The following ARL6 variants were observed in gnomAD, a reference collection of about 807,000 sequenced individuals.
ARL6 encodes the protein ARF like GTPase 6, also known as ADP-ribosylation factor-like protein 6.
In ARL6, 18 loss-of-function variants were observed where a neutral mutation model predicts 27.1. That is an observed-to-expected ratio of 0.66 (90% CI 0.46 to 0.98). ARL6 has a LOEUF of 0.98. ARL6 is among the 50% of genes least tolerant of loss of function. The pLI is 0.00. For synonymous variants in ARL6, 65 were observed against 72.3 expected (o/e 0.90, Z 0.51); for missense variants, 187 against 214.9 (o/e 0.87, Z 0.81).
At chr3:97,780,424 GT>G (rs1227008227) in intron 3 of ARL6, among the ~76,000 whole-genome samples, 190 bp from the exon 4 acceptor site, 1 of 151,952 alleles carries the variant, frequency 6.6e-6, no homozygotes, top group Non-Finnish European at 1.5e-5. Flanking sequence ...TAGCAAAGAA[GT>G]TTTTTATGTT....
rs2038174535 is a variant in ARL6 at position 97,799,919 on chromosome 3, A to G, written c.*1870A>G. On this transcript the variant is annotated 3_prime_UTR_variant, in exon 8 of 8. Transcript: ENST00000463745. ...CCAGAATAACAATTAAAATGATAGA[A>G]AAGGCTCTTACTTGGGACAGCAACC... 1 of 152,126 alleles carries G rather than the reference A, an allele frequency of 6.6e-6. No homozygotes were observed. Among genetic ancestry groups the G allele is most frequent in the Non-Finnish European group, 1.5e-5 (1 of 67,968 alleles). The allele number at this position is 152,126 out of a possible 1,614,324, so 9.4% of individuals were successfully genotyped here.
Position 97,800,141 on chromosome 3 carries a change from T to C in ARL6, c.*2092T>C, listed in dbSNP as rs753569429. 14 of 152,162 alleles carry C rather than the reference T, an allele frequency of 9.2e-5. No individual in the cohort carries two copies. The highest frequency in any genetic ancestry group is 3.9e-4 in the Admixed American group (6 of 15,266). The allele number at this position is 152,162 out of a possible 1,614,324, so 9.4% of individuals were successfully genotyped here. A position where few individuals can be genotyped will look rare whatever the true frequency, so the allele number is the denominator to read the frequency against. Reference sequence around the variant, plus strand: ...CACAAACTACAGTAGCTCATACCTATGCAAATATTTAGAAGAAGGAGAAGT... The same window carrying C: ...CACAAACTACAGTAGCTCATACCTACGCAAATATTTAGAAGAAGGAGAAGT... On this transcript the variant is annotated 3_prime_UTR_variant, in exon 8 of 8. Transcript: ENST00000463745.
At chr3:97,776,777 C>G (rs1005058493) in intron 2 of ARL6, among the ~76,000 whole-genome samples, 18 of 152,078 alleles carry the variant, frequency 1.2e-4, no homozygotes, top group Non-Finnish European at 2.2e-4. Context: ...CTACCTCAGT[C>G]TCCTGAGTAG....
In ARL6 at chr3:97,764,955, T is replaced by C. The variant is rs1018287691; in HGVS notation, c.-50T>C. 2.0e-5 allele frequency: 3 copies of C among 152,176 alleles called. No individual in the cohort carries two copies. The highest frequency in any genetic ancestry group is 7.2e-5 in the African/African-American group (3 of 41,426). The allele number at this position is 152,176 out of a possible 1,614,324, so 9.4% of individuals were successfully genotyped here. ...ATTCCTGTTGCCAGCTCCTGCGCCC[T>C]CCGGACTAACCTCAAAAACCAGGTA... On this transcript the variant is annotated 5_prime_UTR_variant, in exon 1 of 8. Coordinates refer to ENST00000463745, the MANE Select transcript of ARL6 (RefSeq NM_001278293.3).
chr3:97,789,926 T>A (rs1288137976), intron 6 of ARL6, among the ~76,000 whole-genome samples: 3 of 151,740 alleles, frequency 2.0e-5, no homozygotes, highest in African/African-American at 7.3e-5. Context: ...TCTGATAAAT[T>A]AAAGAAAAAT....
At chr3:97,788,193 T>A in intron 6 of ARL6, 74 bp downstream of exon 6, 1 of 1,484,082 alleles carries the variant, frequency 6.7e-7, no homozygotes, top group South Asian at 1.2e-5. Flanking sequence ...TCTTCTGATC[T>A]CATTTTTTAA....
chr3:97,790,589 G>A (rs2037684406), intron 6 of ARL6, among the ~76,000 whole-genome samples: 2 of 152,076 alleles, frequency 1.3e-5, no homozygotes, highest in African/African-American at 4.8e-5. Flanking sequence ...TTAATTGTTT[G>A]GAACTATAGG....
chr3:97,781,595 AT>A (rs757470320), intron 4 of ARL6, among the ~76,000 whole-genome samples: 1 of 152,076 alleles, frequency 6.6e-6, no homozygotes, highest in Non-Finnish European at 1.5e-5. Context: ...GCATCTGCAG[AT>A]TTTGGTATTT....
intron 4 of ARL6, among the ~76,000 whole-genome samples, chr3:97,781,777 A>G (rs1050757033): frequency 2.0e-5 from 3 of 152,126 alleles, no homozygotes; most frequent in Non-Finnish European, 4.4e-5. Flanking sequence ...TTTAAGAGCA[A>G]TGTATTTCAC....
chr3:97,774,040 A>G (rs2036766728), intron 2 of ARL6, among the ~76,000 whole-genome samples: 1 of 152,176 alleles, frequency 6.6e-6, no homozygotes, highest in African/African-American at 2.4e-5. Flanking sequence ...AGATGCCCTA[A>G]TGGATCTCCT....
Position 97,798,050 on chromosome 3 carries a change from AAAGAT to A in ARL6, c.*4_*8del, listed in dbSNP as rs1363815151. 1.9e-6 allele frequency: 3 copies of A among 1,613,154 alleles called. 1 individual carries two copies. In the South Asian group the frequency reaches 3.3e-5, roughly 18 times the overall value. On this transcript the variant is annotated 3_prime_UTR_variant, in exon 8 of 8. Transcript: ENST00000463745. ...TCAGATCCAGACTGTGAAGACATGA[AAAGAT>A]AATAGTTGGAAACCTCAGCAATTTT... is the stretch of plus-strand genomic sequence containing the variant.
In ARL6 at chr3:97,799,053, A is replaced by T. The variant is rs1449074459; in HGVS notation, c.*1004A>T. On this transcript the variant is annotated 3_prime_UTR_variant, in exon 8 of 8. Coordinates refer to ENST00000463745, the MANE Select transcript of ARL6 (RefSeq NM_001278293.3). ...ATTATTAGTTCTCACAAATTAGAGA[A>T]CACTTATAATTGTGAACTCTAAATA... 1 of 152,064 alleles carries T rather than the reference A, an allele frequency of 6.6e-6. No individual in the cohort carries two copies. The highest frequency in any genetic ancestry group is 1.5e-5 in the Non-Finnish European group (1 of 67,936). The allele number at this position is 152,064 out of a possible 1,614,324, so 9.4% of individuals were successfully genotyped here. A position where few individuals can be genotyped will look rare whatever the true frequency, so the allele number is the denominator to read the frequency against.
At chr3:97,778,164 G>A (rs2037001810) in intron 2 of ARL6, among the ~76,000 whole-genome samples, 1 of 152,034 alleles carries the variant, frequency 6.6e-6, no homozygotes, top group Non-Finnish European at 1.5e-5. Flanking sequence ...TGAAGTTGGG[G>A]GAACATTAAA....
intron 7 of ARL6, among the ~76,000 whole-genome samples, chr3:97,797,053 G>C (rs1221565680): frequency 6.6e-6 from 1 of 152,062 alleles, no homozygotes; most frequent in African/African-American, 2.4e-5. Flanking sequence ...TCATGAGACA[G>C]GAAAACCAGC....
chr3:97,795,397 G>A (rs1576480170), intron 7 of ARL6, among the ~76,000 whole-genome samples: 1 of 152,106 alleles, frequency 6.6e-6, no homozygotes, highest in African/African-American at 2.4e-5. Context: ...AATGCTCCCA[G>A]ATGTGAATAT....
chr3:97,796,465 G>A (rs547591543), intron 7 of ARL6, among the ~76,000 whole-genome samples: 67 of 151,994 alleles, frequency 4.4e-4, no homozygotes, highest in Non-Finnish European at 5.0e-4. Flanking sequence ...AAATTTGAAA[G>A]AAAAGAAAGG....
chr3:97,788,083 G>C lies in ARL6; in HGVS notation c.443G>C (p.Cys148Ser). The change falls in exon 6 of 8, where the codon TGT becomes TCT. Residue 148 changes from cysteine to serine, a missense_variant. Transcript: ENST00000463745. Reference sequence around the variant, plus strand: ...TCTGTAAAAGTGTCTCAGTTGCTGTGTTTAGAGAACATCAAAGATAAACCC... The same window carrying C: ...TCTGTAAAAGTGTCTCAGTTGCTGTCTTTAGAGAACATCAAAGATAAACCC... ...VTSVKVSQLL[C>S]LENIKDKPWH... The C allele has an allele frequency of 6.2e-7, 1 of 1,613,268 alleles. No individual in the cohort carries two copies.
At chr3:97,797,492 G>T (rs2038059537) in intron 7 of ARL6, among the ~76,000 whole-genome samples, 1 of 152,068 alleles carries the variant, frequency 6.6e-6, no homozygotes, top group Non-Finnish European at 1.5e-5. Flanking sequence ...TATTATGAGG[G>T]TTGCCTAGGA....
At chr3:97,790,433 C>T (rs868135424) in intron 6 of ARL6, among the ~76,000 whole-genome samples, 2 of 151,918 alleles carry the variant, frequency 1.3e-5, no homozygotes, top group African/African-American at 4.8e-5. Context: ...TGAGAAATAA[C>T]CAGGGGTCAT....
Sources: gnomAD v4.1 joint callset for allele counts (sites outside exome capture counted in the v4.1 genomes callset) on GRCh38, gnomAD v4.1.1 for gene constraint, MANE v1.5 for transcripts, NCBI Gene and HGNC (gene_info 2026-07-23, HGNC 2026-07-21) for gene names.